SNRNP70: variants seen among roughly 807,000 people sequenced by gnomAD.
SNRNP70 encodes U1 small nuclear ribonucleoprotein 70 kDa.
A neutral mutation model predicts 50.5 loss-of-function variants in SNRNP70; 8 were observed. The observed-to-expected ratio is 0.16, with a 90% confidence interval of 0.09 to 0.29. The LOEUF (loss-of-function observed/expected upper bound fraction) is 0.29. SNRNP70 is among the 10% of genes least tolerant of loss of function. The pLI is 1.00. For missense variants in SNRNP70, 529 were observed against 663.5 expected (o/e 0.80, Z 2.23); for synonymous variants, 320 against 252.9 (o/e 1.27, Z -2.52).
intron 4 of SNRNP70, among the ~76,000 whole-genome samples, chr19:49,095,712 T>C (rs2040504473): frequency 6.6e-6 from 1 of 152,078 alleles, no homozygotes; most frequent in Non-Finnish European, 1.5e-5. Flanking sequence ...TTAGTAGGGA[T>C]GAGGTTTCGC....
intron 4 of SNRNP70, among the ~76,000 whole-genome samples, chr19:49,091,772 G>T (rs1273513201): frequency 6.6e-6 from 1 of 152,164 alleles, no homozygotes; most frequent in Non-Finnish European, 1.5e-5. Flanking sequence ...TTGGCTGTCG[G>T]AACGCTGTCT....
At chr19:49,095,836 G>A (rs2040506104) in intron 4 of SNRNP70, among the ~76,000 whole-genome samples, 1 of 151,624 alleles carries the variant, frequency 6.6e-6, no homozygotes, top group Non-Finnish European at 1.5e-5. Context: ...ACCTTTTTTT[G>A]TCTTGTTTAC....
chr19:49,107,047 G>GT lies in SNRNP70; in HGVS notation c.578-577dup. Reference sequence around the variant, plus strand: ...GTTCGGGCTAGCGTTAAGGGTGAGCGTGAGTTCACCAGAGAAGGAAGGGGA... The same window carrying GT: ...GTTCGGGCTAGCGTTAAGGGTGAGCGTTGAGTTCACCAGAGAAGGAAGGGGA... On this transcript the variant is annotated intron_variant, in intron 8 of 9. Transcript: ENST00000598441. This position sits in a 1 kb window ranked among gnomAD's most constrained non-coding sequence, Gnocchi z 6.0. Among the ~76,000 whole-genome samples, 1 of 152,162 alleles carries GT rather than the reference G, an allele frequency of 6.6e-6. No homozygotes were observed. The highest frequency in any genetic ancestry group is 2.4e-5 in the African/African-American group (1 of 41,432).
chr19:49,091,230 G>T (rs982610522), intron 4 of SNRNP70, among the ~76,000 whole-genome samples: 1 of 151,938 alleles, frequency 6.6e-6, no homozygotes, highest in Non-Finnish European at 1.5e-5. Context: ...TTAGCTGGGC[G>T]TGGTGGCGAG....
At chr19:49,086,212 C>A (rs1406213380) in intron 1 of SNRNP70, among the ~76,000 whole-genome samples, 193 bp from the exon 2 acceptor site, 1 of 152,172 alleles carries the variant, frequency 6.6e-6, no homozygotes, top group Non-Finnish European at 1.5e-5. Flanking sequence ...GTTTTCTTTA[C>A]CGGCCTTTCA....
intron 4 of SNRNP70, among the ~76,000 whole-genome samples, chr19:49,096,683 C>T (rs1393562074): frequency 6.6e-6 from 1 of 151,930 alleles, no homozygotes; most frequent in East Asian, 1.9e-4. Flanking sequence ...AGGAGAATCG[C>T]TTGAACCCGG....
In SNRNP70 at chr19:49,108,230, CCGGGAT is replaced by C. The variant is rs1175879577; in HGVS notation, c.1104_1109del (p.Asp375_Arg376del). 5 of 1,538,330 alleles carry C rather than the reference CCGGGAT, an allele frequency of 3.3e-6. No homozygotes were observed. The highest frequency in any genetic ancestry group is 4.9e-5 in the East Asian group (2 of 40,926). ...GGAGCGAGCGCGAGCGGCGCCGGGA[CCGGGAT>C]CGTGACCGTGACCGTGACCGCGAGC... On this transcript the variant is annotated inframe_deletion, in exon 10 of 10. Coordinates refer to ENST00000598441, the MANE Select transcript of SNRNP70 (RefSeq NM_003089.6).
chr19:49,092,657 C>T (rs914414603), intron 4 of SNRNP70, among the ~76,000 whole-genome samples: 6 of 152,140 alleles, frequency 3.9e-5, no homozygotes, highest in African/African-American at 1.4e-4. Flanking sequence ...GATCCACCTG[C>T]TTCAGCCTCC....
chr19:49,093,754 G>C (rs1462479367), intron 4 of SNRNP70, among the ~76,000 whole-genome samples: 1 of 150,264 alleles, frequency 6.7e-6, no homozygotes, highest in Admixed American at 6.6e-5. Context: ...AGCACTTTGG[G>C]AGGCTGAGGC....
At chr19:49,094,458 C>T (rs922885177) in intron 4 of SNRNP70, among the ~76,000 whole-genome samples, 2 of 152,034 alleles carry the variant, frequency 1.3e-5, no homozygotes, top group African/African-American at 2.4e-5. Flanking sequence ...GAGGTCATGC[C>T]ACTGCACTCC....
intron 4 of SNRNP70, among the ~76,000 whole-genome samples, chr19:49,098,122 G>A (rs542831250): frequency 6.6e-6 from 1 of 152,204 alleles, no homozygotes; most frequent in Non-Finnish European, 1.5e-5. Flanking sequence ...AGGGCCCTTA[G>A]GGTTTATGTA....
intron 4 of SNRNP70, among the ~76,000 whole-genome samples, chr19:49,096,716 G>A (rs1373994913): frequency 6.6e-6 from 1 of 151,970 alleles, no homozygotes; most frequent in African/African-American, 2.4e-5. Flanking sequence ...GCAGTAAGCC[G>A]AGATCTCGCC....
rs71179085 is a variant in SNRNP70, at chr19:49,089,656, ATTTTTTTTT to A, written c.148-619_148-611del. ...GACCATGCTTAGTTTTTGAGACAGG[ATTTTTTTTT>A]TTTTTTTTTTTTTTTGAGACGGAAT... On this transcript the variant is annotated intron_variant, in intron 2 of 9. Coordinates refer to ENST00000598441, the MANE Select transcript of SNRNP70 (RefSeq NM_003089.6). Among the ~76,000 whole-genome samples the A allele has an allele frequency of 7.3e-5, 6 of 82,584 alleles. No individual in the cohort carries two copies. The South Asian group carries it at 2.1e-3, about 29-fold the overall frequency. 54.2% of individuals were successfully genotyped at this position (82,584 alleles called of 152,430 possible). A position where few individuals can be genotyped will look rare whatever the true frequency, so the allele number is the denominator to read the frequency against.
intron 2 of SNRNP70, among the ~76,000 whole-genome samples, chr19:49,088,498 CT>C (rs71179084): frequency 1.1e-3 from 105 of 99,492 alleles, no homozygotes; most frequent in Admixed American, 1.8e-3. Context: ...CGCACCCGAC[CT>C]TTTTTTTTTT....
rs1218385879 is a variant in SNRNP70, at chr19:49,107,391, CAT to C, written c.578-233_578-232del. On this transcript the variant is annotated intron_variant, in intron 8 of 9. Coordinates refer to ENST00000598441, the MANE Select transcript of SNRNP70 (RefSeq NM_003089.6). The surrounding 1 kb of genome is among the most constrained non-coding windows in gnomAD (Gnocchi z 6.0). ...TAAGATGATGCGCTTTGGGGCCAGA[CAT>C]GGGTTCCAGTAACGGCTGTTGCCTA... 6.6e-6 allele frequency among the ~76,000 whole-genome samples: 1 copy of C among 152,336 alleles called. No homozygotes were observed. Among genetic ancestry groups the C allele is most frequent in the East Asian group, 1.9e-4 (1 of 5,178 alleles).
intron 8 of SNRNP70, among the ~76,000 whole-genome samples, chr19:49,106,819 C>T (rs1254915857): frequency 6.6e-6 from 1 of 152,188 alleles, no homozygotes; most frequent in Non-Finnish European, 1.5e-5. Context: ...ACACACACAT[C>T]CACCTTTCTA....
Position 49,104,366 on chromosome 19 carries a change from G to A in SNRNP70, c.476-268G>A, listed in dbSNP as rs888851955. ...ATCATGTGGGAGAGGAAGGGCCGGG[G>A]AGCCTAGGGGGTGGCGGGTGAGGGT... On this transcript the variant is annotated intron_variant, in intron 7 of 9. Coordinates refer to ENST00000598441, the MANE Select transcript of SNRNP70 (RefSeq NM_003089.6). The surrounding 1 kb of genome is among the most constrained non-coding windows in gnomAD (Gnocchi z 5.4). 4 of 434,720 alleles carry A rather than the reference G, an allele frequency of 9.2e-6. No homozygotes were observed. Among genetic ancestry groups the A allele is most frequent in the East Asian group, 4.2e-5 (1 of 23,708 alleles). 26.9% of individuals were successfully genotyped at this position (434,720 alleles called of 1,614,324 possible). A position where few individuals can be genotyped will look rare whatever the true frequency, so the allele number is the denominator to read the frequency against.
chr19:49,103,695 G>C (rs1307590261), intron 7 of SNRNP70: 1 of 152,484 alleles, frequency 6.6e-6, no homozygotes, highest in African/African-American at 2.4e-5. Flanking sequence ...GCCAGGGCTG[G>C]GTGGGGGAAC....
chr19:49,086,747 G>C (rs1308470768), intron 2 of SNRNP70, among the ~76,000 whole-genome samples, 186 bp downstream of exon 2: 1 of 152,108 alleles, frequency 6.6e-6, no homozygotes, highest in African/African-American at 2.4e-5. Context: ...GAGTGCGTCT[G>C]TAGTCTCAGC....
Sources: allele counts gnomAD v4.1 joint callset (sites outside exome capture counted in the v4.1 genomes callset), GRCh38; gene constraint gnomAD v4.1.1; non-coding constraint Gnocchi (gnomAD v3.1); transcripts MANE v1.5; gene names NCBI Gene and HGNC (gene_info 2026-07-23, HGNC 2026-07-21).